LRP1B: variants seen among roughly 807,000 people sequenced by gnomAD.
LRP1B encodes low-density lipoprotein receptor-related protein 1B.
In LRP1B, 217 loss-of-function variants were observed where a neutral mutation model predicts 556.6. That is an observed-to-expected ratio of 0.39 (90% CI 0.35 to 0.44). The LOEUF is 0.44. LRP1B is among the 20% of genes least tolerant of loss of function. The probability of loss-of-function intolerance (pLI) is 1.00; values close to 1 mark genes in which losing one functional copy is unlikely to be tolerated. For missense variants in LRP1B, 5,053 were observed against 5,620.8 expected (o/e 0.90, Z 3.23); for synonymous variants, 2,047 against 1,865.8 (o/e 1.10, Z -2.50).
intron 2 of LRP1B, among the ~76,000 whole-genome samples, chr2:141,720,011 GT>G (rs535888854): frequency 6.6e-4 from 101 of 152,174 alleles, no homozygotes; most frequent in Non-Finnish European, 1.3e-3. Flanking sequence ...AGTTGAAATT[GT>G]TTTAAAAGGT....
chr2:140,623,484 TAAC>T, intron 41 of LRP1B, among the ~76,000 whole-genome samples: 1 of 152,060 alleles, frequency 6.6e-6, no homozygotes, highest in East Asian at 1.9e-4. Flanking sequence ...TATATCAAAG[TAAC>T]AATATATCTA....
chr2:140,700,884 A>G (rs1394506927), intron 40 of LRP1B, among the ~76,000 whole-genome samples: 1 of 152,120 alleles, frequency 6.6e-6, no homozygotes, highest in Non-Finnish European at 1.5e-5. Context: ...CCCTTAATGA[A>G]CCAGTTAAGT....
At chr2:141,606,574 G>A (rs1435145843) in intron 2 of LRP1B, among the ~76,000 whole-genome samples, 2 of 152,196 alleles carry the variant, frequency 1.3e-5, no homozygotes, top group South Asian at 2.1e-4. Flanking sequence ...TTGTGATTAA[G>A]TCTAAATGAG....
At chr2:141,618,905 A>T (rs916397248) in intron 2 of LRP1B, among the ~76,000 whole-genome samples, 6 of 152,222 alleles carry the variant, frequency 3.9e-5, no homozygotes, top group African/African-American at 1.2e-4. Context: ...TTGAACTAAG[A>T]TAAAGAGGAA....
At chr2:141,630,150 C>T (rs991006530) in intron 2 of LRP1B, among the ~76,000 whole-genome samples, 2 of 152,198 alleles carry the variant, frequency 1.3e-5, no homozygotes, top group East Asian at 1.9e-4. Flanking sequence ...ATAGGCCACA[C>T]CAGCTATCGG....
intron 1 of LRP1B, among the ~76,000 whole-genome samples, chr2:142,052,262 T>C (rs202010477): frequency 6.6e-6 from 1 of 152,060 alleles, no homozygotes; most frequent in Admixed American, 6.5e-5. Flanking sequence ...TTAAAACCCC[T>C]ATAAACATTT....
chr2:141,118,419 T>C (rs1700960268), intron 7 of LRP1B, among the ~76,000 whole-genome samples: 1 of 151,942 alleles, frequency 6.6e-6, no homozygotes, highest in African/African-American at 2.4e-5. Context: ...TTTTCAACTT[T>C]CTTTTTAACA....
intron 23 of LRP1B, among the ~76,000 whole-genome samples, chr2:140,895,117 T>A (rs1693912311): frequency 6.6e-6 from 1 of 152,080 alleles, no homozygotes; most frequent in Admixed American, 6.5e-5. Context: ...GCCATTATAT[T>A]TATGCATTTT....
intron 86 of LRP1B, among the ~76,000 whole-genome samples, chr2:140,249,925 C>T (rs1558925371): frequency 6.6e-6 from 1 of 151,890 alleles, no homozygotes; most frequent in African/African-American, 2.4e-5. Context: ...TGCAGATCAT[C>T]AAAATCTCCT....
intron 41 of LRP1B, among the ~76,000 whole-genome samples, chr2:140,605,773 G>T (rs1299511461): frequency 6.6e-6 from 1 of 151,590 alleles, no homozygotes; most frequent in African/African-American, 2.4e-5. Flanking sequence ...ATTTGACATG[G>T]TTGAATGACG....
intron 86 of LRP1B, among the ~76,000 whole-genome samples, chr2:140,254,517 CTTTT>C (rs1321522382): frequency 6.6e-6 from 1 of 151,844 alleles, no homozygotes; most frequent in Non-Finnish European, 1.5e-5. Context: ...TCCAAGATTT[CTTTT>C]TTTGTTTTTT....
At chr2:141,031,455 G>A (rs901668114) in intron 11 of LRP1B, among the ~76,000 whole-genome samples, 1 of 151,722 alleles carries the variant, frequency 6.6e-6, no homozygotes, top group Non-Finnish European at 1.5e-5. Context: ...GAAACAAGAA[G>A]GCCAATGATT....
At position 140,250,873 on chromosome 2, in the gene LRP1B, T is replaced by C. The variant is rs535697535; in HGVS notation, c.13248-3711A>G. On this transcript the variant is annotated intron_variant, in intron 86 of 90. Transcript: ENST00000389484. Reference sequence around the variant, plus strand: ...TGTTCTTATAACAAATATCATTCAATGTCTTATTGTGAGGATGAGAATAAT... The same window carrying C: ...TGTTCTTATAACAAATATCATTCAACGTCTTATTGTGAGGATGAGAATAAT... Among the ~76,000 whole-genome samples the C allele has an allele frequency of 3.9e-5, 6 of 151,924 alleles. No individual in the cohort carries two copies. In the South Asian group the frequency reaches 1.0e-3, roughly 26 times the overall value.
intron 1 of LRP1B, among the ~76,000 whole-genome samples, chr2:141,860,709 G>A (rs1161895900): frequency 6.6e-6 from 1 of 152,138 alleles, no homozygotes; most frequent in African/African-American, 2.4e-5. Flanking sequence ...AACACTAAGG[G>A]AAATGTTTGC....
At chr2:141,692,968 A>G (rs1691601411) in intron 2 of LRP1B, among the ~76,000 whole-genome samples, 1 of 152,040 alleles carries the variant, frequency 6.6e-6, no homozygotes, top group Non-Finnish European at 1.5e-5. Flanking sequence ...CTCAGTGCCA[A>G]GGGAAAATGA....
At chr2:141,817,558 G>A (rs1407530196) in intron 1 of LRP1B, among the ~76,000 whole-genome samples, 1 of 151,964 alleles carries the variant, frequency 6.6e-6, no homozygotes, top group East Asian at 1.9e-4. Flanking sequence ...TATATGAGCT[G>A]TCACAGACTA....
chr2:140,771,469 A>G (rs115873405), intron 33 of LRP1B, among the ~76,000 whole-genome samples: 2,265 of 152,314 alleles, frequency 0.015, 47 homozygotes, highest in African/African-American at 0.051. Context: ...ATGTATGTGT[A>G]TATGTATTCA....
At chr2:140,698,408 C>A (rs1462197173) in intron 41 of LRP1B, among the ~76,000 whole-genome samples, 2 of 151,952 alleles carry the variant, frequency 1.3e-5, no homozygotes, top group Non-Finnish European at 2.9e-5. Flanking sequence ...TAGAATAATG[C>A]AACAATTGCG....
intron 7 of LRP1B, among the ~76,000 whole-genome samples, chr2:141,074,447 G>T (rs543137229): frequency 1.3e-5 from 2 of 151,574 alleles, no homozygotes; most frequent in African/African-American, 4.8e-5. Context: ...ATATAAAGTT[G>T]TTTAAAATCT....
Sources: allele counts gnomAD v4.1 joint callset (sites outside exome capture counted in the v4.1 genomes callset), GRCh38; gene constraint gnomAD v4.1.1; transcripts MANE v1.5; gene names NCBI Gene and HGNC (gene_info 2026-07-23, HGNC 2026-07-21).